The following LCP1 variants were observed in gnomAD, a reference collection of about 807,000 sequenced individuals.
LCP1 encodes the protein plastin-2.
A neutral mutation model predicts 72.0 loss-of-function variants in LCP1; 23 were observed. That is an observed-to-expected ratio of 0.32 (90% CI 0.23 to 0.45). The LOEUF (loss-of-function observed/expected upper bound fraction) is 0.45. Among genes scored for constraint, LCP1 ranks in the 20% least tolerant of loss-of-function variants. LCP1 has a pLI of 1.00. For missense variants in LCP1, 571 were observed against 748.3 expected (o/e 0.76, Z 2.76); for synonymous variants, 245 against 275.4 (o/e 0.89, Z 1.09).
intron 1 of LCP1, among the ~76,000 whole-genome samples, chr13:46,173,108 A>C (rs1447658055): frequency 6.6e-6 from 1 of 152,244 alleles, no homozygotes; most frequent in Non-Finnish European, 1.5e-5. Flanking sequence ...CACCCATGTA[A>C]AGGCATTCCA....
chr13:46,129,598 T>C (rs1002192602), intron 15 of LCP1, among the ~76,000 whole-genome samples: 10 of 152,160 alleles, frequency 6.6e-5, no homozygotes, highest in Admixed American at 2.6e-4. Flanking sequence ...ATTATTTATT[T>C]CTCTCCATTA....
intron 13 of LCP1, among the ~76,000 whole-genome samples, chr13:46,141,467 G>A (rs1272811565): frequency 6.7e-6 from 1 of 148,284 alleles, no homozygotes; most frequent in Non-Finnish European, 1.5e-5. Context: ...CCTAAAACCT[G>A]TAATAAAGAG....
chr13:46,158,923 G>A lies in LCP1; in HGVS notation c.131C>T (p.Pro44Leu). The change falls in exon 3 of 16, where the codon CCT (proline) becomes CTT (leucine). Residue 44 changes from proline (P) to leucine (L), a missense_variant. Transcript: ENST00000323076. ...TTCTCGTACTCTATACCCAGGCAAA[G>A]GCAAGCAAGCAGCCTTGAACAAGTC... ...LNDLFKAACL[P>L]LPGYRVREIT... 1 of 1,614,168 alleles carries A rather than the reference G, an allele frequency of 6.2e-7. No individual in the cohort carries two copies. The highest frequency in any genetic ancestry group is 8.5e-7 in the Non-Finnish European group (1 of 1,180,026).
At chr13:46,160,138 A>C (rs1234081902) in intron 1 of LCP1, among the ~76,000 whole-genome samples, 2 of 152,220 alleles carry the variant, frequency 1.3e-5, no homozygotes, top group Non-Finnish European at 2.9e-5. Context: ...ATGAAGGAGA[A>C]CTGGGTGCAC....
Position 46,158,831 on chromosome 13 carries a change from T to C in LCP1, c.223A>G (p.Ile75Val), listed in dbSNP as rs186797624. ...QDGRISFDEF[I>V]KIFHGLKSTD... ...GTATTCTGCATGGTACTCACCTTGA[T>C]AAACTCATCAAAGCTGATCCTTCCA... Residue 75 changes from isoleucine (I) to valine (V), a missense_variant, in exon 3 of 16, where the codon ATC (isoleucine) becomes GTC (valine). Coordinates refer to ENST00000323076, the MANE Select transcript of LCP1 (RefSeq NM_002298.5). 1 of 1,614,140 alleles carries C rather than the reference T, an allele frequency of 6.2e-7. No individual in the cohort carries two copies. The highest frequency in any genetic ancestry group is 8.5e-7 in the Non-Finnish European group (1 of 1,180,012).
At chr13:46,127,805 C>G in intron 15 of LCP1, 82 bp from the exon 16 acceptor site, 1 of 1,529,586 alleles carries the variant, frequency 6.5e-7, no homozygotes, top group South Asian at 1.2e-5. Flanking sequence ...CAGTCACAGT[C>G]GTTCCATAGT....
At chr13:46,177,566 G>C (rs1012751385) in intron 1 of LCP1, among the ~76,000 whole-genome samples, 9 of 152,096 alleles carry the variant, frequency 5.9e-5, no homozygotes, top group African/African-American at 2.2e-4. Context: ...CTTGAACCCA[G>C]GAGGCGGAGG....
chr13:46,179,916 G>A (rs1240144339), intron 1 of LCP1, among the ~76,000 whole-genome samples: 2 of 152,024 alleles, frequency 1.3e-5, no homozygotes, highest in Non-Finnish European at 2.9e-5. Context: ...ACCTGCAATG[G>A]TATCTCTTAT....
At chr13:46,135,249 C>A (rs189027500) in intron 13 of LCP1, among the ~76,000 whole-genome samples, 1 of 152,046 alleles carries the variant, frequency 6.6e-6, no homozygotes, top group Non-Finnish European at 1.5e-5. Flanking sequence ...GGTTTGTGGA[C>A]TTCATGGTTC....
intron 13 of LCP1, among the ~76,000 whole-genome samples, chr13:46,139,012 A>T (rs2045681939): frequency 6.6e-6 from 1 of 152,232 alleles, no homozygotes; most frequent in Non-Finnish European, 1.5e-5. Flanking sequence ...CCCATGAGTC[A>T]GTTTAACTGT....
At chr13:46,130,661 G>A (rs1436194248) in intron 15 of LCP1, among the ~76,000 whole-genome samples, 153 bp downstream of exon 15, 1 of 150,878 alleles carries the variant, frequency 6.6e-6, no homozygotes, top group African/African-American at 2.4e-5. Context: ...ATCCAAAACA[G>A]TGATGATGAG....
intron 15 of LCP1, among the ~76,000 whole-genome samples, chr13:46,129,035 T>C (rs2045618442): frequency 6.6e-6 from 1 of 152,238 alleles, no homozygotes; most frequent in African/African-American, 2.4e-5. Flanking sequence ...TGTCTCTCTC[T>C]CAATAACTTC....
At chr13:46,132,315 C>A (rs1208912263) in intron 14 of LCP1, among the ~76,000 whole-genome samples, 1 of 152,168 alleles carries the variant, frequency 6.6e-6, no homozygotes, top group Non-Finnish European at 1.5e-5. Context: ...AGAAGCACCC[C>A]TGGGCTATGT....
At chr13:46,145,881 C>T (rs2045727166) in intron 10 of LCP1, among the ~76,000 whole-genome samples, 1 of 62,520 alleles carries the variant, frequency 1.6e-5, no homozygotes, top group South Asian at 3.0e-4. Flanking sequence ...TGCACTCCAG[C>T]CTGGGCGACA....
At position 46,151,189 on chromosome 13, in the gene LCP1, T is replaced by A. The variant is rs917177541; in HGVS notation, c.740-111A>T. 6 of 1,029,598 alleles carry A rather than the reference T, an allele frequency of 5.8e-6. No homozygotes were observed. The South Asian group carries it at 1.0e-4, about 18-fold the overall frequency. The allele number at this position is 1,029,598 out of a possible 1,614,324, so 63.8% of individuals were successfully genotyped here. On this transcript the variant is annotated intron_variant, in intron 7 of 15. Coordinates refer to ENST00000323076, the MANE Select transcript of LCP1 (RefSeq NM_002298.5). The stretch of plus-strand genomic sequence containing the variant: ...AAAAGCTAAAGATAACAACGTTACC[T>A]CTTTGGGGTAAAGGTTCTTGTAGCC...
At chr13:46,159,859 T>C (rs1176286708) in intron 1 of LCP1, among the ~76,000 whole-genome samples, 173 bp from the exon 2 acceptor site, 1 of 152,228 alleles carries the variant, frequency 6.6e-6, no homozygotes, top group Non-Finnish European at 1.5e-5. Context: ...CAATCCTCCA[T>C]GTGGTGGTCT....
At chr13:46,141,235 G>A (rs550019610) in intron 13 of LCP1, among the ~76,000 whole-genome samples, 27 of 151,440 alleles carry the variant, frequency 1.8e-4, no homozygotes, top group South Asian at 1.0e-3. Context: ...GTGAAACCCC[G>A]TCTCTACTAA....
At position 46,127,605 on chromosome 13, in the gene LCP1, T is replaced by C. The variant is rs1445849735; in HGVS notation, c.1870A>G (p.Met624Val). The change falls in exon 16 of 16, where the codon ATG (methionine) becomes GTG (valine). Residue 624 changes from methionine (M) to valine (V), a missense_variant. Met to Val is a conservative substitution (Grantham distance 21, BLOSUM62 1). Coordinates refer to ENST00000323076, the MANE Select transcript of LCP1 (RefSeq NM_002298.5). ...CCCATTGGGCCTCACACCCTCTTCATTCCTTTCCCCATGAGGCAGGCAAAC... is the reference window on the plus strand; with the variant it reads ...CCCATTGGGCCTCACACCCTCTTCACTCCTTTCCCCATGAGGCAGGCAAAC... ...TVFACLMGKG[M>V]KRV is the part of the protein sequence containing the mutation. The C allele has an allele frequency of 2.5e-6, 4 of 1,614,164 alleles. No homozygotes were observed. Among genetic ancestry groups the C allele is most frequent in the Non-Finnish European group, 3.4e-6 (4 of 1,180,016 alleles).
At chr13:46,169,642 C>G (rs1395376182) in intron 1 of LCP1, 1 of 152,232 alleles carries the variant, frequency 6.6e-6, no homozygotes. Flanking sequence ...AGTGCTGACA[C>G]CCAATTGACA....
Sources: gnomAD v4.1 joint callset for allele counts (sites outside exome capture counted in the v4.1 genomes callset) on GRCh38, gnomAD v4.1.1 for gene constraint, MANE v1.5 for transcripts, NCBI Gene and HGNC (gene_info 2026-07-23, HGNC 2026-07-21) for gene names.